CNTNAP2: variants seen among roughly 807,000 people sequenced by gnomAD.
CNTNAP2 encodes contactin-associated protein-like 2.
Under a neutral mutation model 155.2 loss-of-function variants are expected in CNTNAP2, and 98 were observed. The ratio of observed to expected loss-of-function variants is 0.63; its 90% CI spans 0.54 to 0.75. The LOEUF (loss-of-function observed/expected upper bound fraction) is 0.75. Among genes scored for constraint, CNTNAP2 ranks in the 30% least tolerant of loss-of-function variants. The pLI is 0.00. For synonymous variants in CNTNAP2, 651 were observed against 631.2 expected, an observed-to-expected ratio of 1.03 and a Z score of -0.47; for missense variants, 1,727 against 1,688.1, an observed-to-expected ratio of 1.02 and a Z score of -0.40.
intron 13 of CNTNAP2, among the ~76,000 whole-genome samples, chr7:147,830,116 G>A (rs1798523736): frequency 6.6e-6 from 1 of 151,396 alleles, no homozygotes; most frequent in African/African-American, 2.4e-5. Context: ...ATCTGAGATT[G>A]TGAGTGGCTT....
At chr7:146,747,668 A>T (rs1017861993) in intron 1 of CNTNAP2, among the ~76,000 whole-genome samples, 2 of 152,210 alleles carry the variant, frequency 1.3e-5, no homozygotes, top group African/African-American at 4.8e-5. Context: ...GGTACTTAAA[A>T]CATTAGTTAG....
chr7:146,436,457 T>A (rs943882724), intron 1 of CNTNAP2, among the ~76,000 whole-genome samples: 1 of 152,162 alleles, frequency 6.6e-6, no homozygotes, highest in Non-Finnish European at 1.5e-5. Context: ...TTTTCCAAAT[T>A]TAATATAAAA....
intron 13 of CNTNAP2, among the ~76,000 whole-genome samples, chr7:147,671,107 C>T (rs1475167014): frequency 2.6e-5 from 4 of 152,324 alleles, no homozygotes; most frequent in African/African-American, 7.2e-5. Flanking sequence ...ACAGCGGATC[C>T]GAGTGAGTGG....
At chr7:146,689,552 G>C (rs773912689) in intron 1 of CNTNAP2, among the ~76,000 whole-genome samples, 30 of 151,990 alleles carry the variant, frequency 2.0e-4, no homozygotes, top group Non-Finnish European at 3.4e-4. Flanking sequence ...TTATCTGTCT[G>C]TACCTCATAA....
At chr7:147,490,714 G>A (rs1196925470) in intron 11 of CNTNAP2, among the ~76,000 whole-genome samples, 2 of 152,162 alleles carry the variant, frequency 1.3e-5, no homozygotes, top group East Asian at 1.9e-4. Flanking sequence ...AATTGCGTTG[G>A]ATATGGTATT....
chr7:147,094,399 C>CTT (rs55694542), intron 4 of CNTNAP2, among the ~76,000 whole-genome samples: 21,993 of 132,762 alleles, frequency 0.17, 3,650 homozygotes, highest in African/African-American at 0.4. Flanking sequence ...ATTATTATTC[C>CTT]TTTTTTTTTT....
At chr7:148,384,005 A>G in intron 22 of CNTNAP2, 117 bp downstream of exon 22, 1 of 1,408,170 alleles carries the variant, frequency 7.1e-7, no homozygotes, top group Non-Finnish European at 9.7e-7. Context: ...GAGGATTAAG[A>G]AAGGGCAAAG....
intron 22 of CNTNAP2, among the ~76,000 whole-genome samples, chr7:148,407,125 A>C (rs1799719985): frequency 6.6e-6 from 1 of 152,198 alleles, no homozygotes; most frequent in Non-Finnish European, 1.5e-5. Context: ...TTTAAAAAAG[A>C]AAGCCAAGGT....
At chr7:147,870,304 T>G (rs1048092769) in intron 13 of CNTNAP2, among the ~76,000 whole-genome samples, 1 of 152,168 alleles carries the variant, frequency 6.6e-6, no homozygotes, top group East Asian at 1.9e-4. Flanking sequence ...TAGTCTCTGG[T>G]GCAGTTCTAG....
intron 1 of CNTNAP2, among the ~76,000 whole-genome samples, chr7:146,119,590 T>C (rs1797534114): frequency 6.6e-6 from 1 of 152,168 alleles, no homozygotes; most frequent in Non-Finnish European, 1.5e-5. Flanking sequence ...AGAAAATATT[T>C]CACTCTTAGG....
At chr7:146,955,079 G>A (rs903339969) in intron 3 of CNTNAP2, among the ~76,000 whole-genome samples, 2 of 151,902 alleles carry the variant, frequency 1.3e-5, no homozygotes, top group Admixed American at 6.6e-5. Flanking sequence ...ATTGGATAGT[G>A]TAAGTAATTT....
chr7:147,721,295 T>C (rs1584919163), intron 13 of CNTNAP2, among the ~76,000 whole-genome samples: 2 of 152,228 alleles, frequency 1.3e-5, no homozygotes, highest in South Asian at 4.1e-4. Flanking sequence ...TTTATTTGTC[T>C]TGTTTGTTTT....
At chr7:147,854,379 G>T (rs935444714) in intron 13 of CNTNAP2, among the ~76,000 whole-genome samples, 3 of 152,132 alleles carry the variant, frequency 2.0e-5, no homozygotes, top group African/African-American at 7.2e-5. Context: ...TCTGAGTGCT[G>T]AACCAACTGA....
intron 1 of CNTNAP2, among the ~76,000 whole-genome samples, chr7:146,158,220 A>G (rs1366727037): frequency 1.3e-5 from 2 of 152,190 alleles, no homozygotes; most frequent in Non-Finnish European, 2.9e-5. Context: ...CACCCACACC[A>G]AAACCCTATC....
At chr7:147,770,925 A>C (rs981016050) in intron 13 of CNTNAP2, among the ~76,000 whole-genome samples, 3 of 152,236 alleles carry the variant, frequency 2.0e-5, no homozygotes, top group Non-Finnish European at 4.4e-5. Context: ...AACATGGAAG[A>C]AATCTTTCTA....
chr7:148,383,960 G>A (rs1226108824), intron 22 of CNTNAP2, 72 bp downstream of exon 22: 29 of 1,546,664 alleles, frequency 1.9e-5, no homozygotes, highest in Non-Finnish European at 2.5e-5. Context: ...CTATGGAATG[G>A]ATTTAATAAC....
At chr7:146,150,718 G>A (rs1445780387) in intron 1 of CNTNAP2, among the ~76,000 whole-genome samples, 1 of 151,738 alleles carries the variant, frequency 6.6e-6, no homozygotes, top group Non-Finnish European at 1.5e-5. Flanking sequence ...CCCAACTTTA[G>A]GTAGAAATCT....
intron 15 of CNTNAP2, among the ~76,000 whole-genome samples, chr7:148,033,340 C>T (rs1295388402): frequency 7.1e-6 from 1 of 140,580 alleles, no homozygotes; most frequent in Non-Finnish European, 1.5e-5. Flanking sequence ...CCTTAAGATC[C>T]TTTTTTTTCC....
At chr7:147,737,707 C>A (rs1796879881) in intron 13 of CNTNAP2, among the ~76,000 whole-genome samples, 1 of 152,194 alleles carries the variant, frequency 6.6e-6, no homozygotes, top group South Asian at 2.1e-4. Context: ...CTACTCAAGC[C>A]TCAGCAATGG....
Sources: allele counts gnomAD v4.1 joint callset (sites outside exome capture counted in the v4.1 genomes callset), GRCh38; gene constraint gnomAD v4.1.1; transcripts MANE v1.5; gene names NCBI Gene and HGNC (gene_info 2026-07-23, HGNC 2026-07-21).